Variants in DDI2 observed in about 807,000 individuals in gnomAD.
The protein encoded by DDI2 is protein DDI1 homolog 2.
Under a neutral mutation model 48.1 loss-of-function variants are expected in DDI2, and 5 were observed. The ratio of observed to expected loss-of-function variants is 0.10; its 90% CI spans 0.05 to 0.22. DDI2 has a LOEUF of 0.22. Ranked by LOEUF, DDI2 falls within the 10% of genes least tolerant of loss-of-function variation. DDI2 has a pLI of 1.00. For missense variants in DDI2, 285 were observed against 506.2 expected (o/e 0.56, Z 4.19); for synonymous variants, 205 against 183.6 (o/e 1.12, Z -0.94).
chr1:15,626,864 CAG>C (rs770472610), intron 2 of DDI2, 66 bp downstream of exon 2: 1 of 1,599,798 alleles, frequency 6.3e-7, no homozygotes, highest in Non-Finnish European at 8.5e-7. Context: ...CATAGCACCT[CAG>C]AGTTTTGGAT....
intron 8 of DDI2, among the ~76,000 whole-genome samples, chr1:15,654,854 G>C (rs557835254): frequency 5.0e-4 from 76 of 151,692 alleles, no homozygotes; most frequent in Non-Finnish European, 8.1e-4. Flanking sequence ...TCCTTACAAG[G>C]TTTTGCATTT....
At chr1:15,632,935 A>ATTTTTTTTT (rs1557614987) in intron 3 of DDI2, among the ~76,000 whole-genome samples, 1 of 79,074 alleles carries the variant, frequency 1.3e-5, no homozygotes, top group African/African-American at 6.2e-5. Context: ...TTTTTTTAAA[A>ATTTTTTTTT]AAAAAAAAAC....
Position 15,661,256 on chromosome 1 carries a change from C to G in DDI2, c.*1466C>G, listed in dbSNP as rs1238897878. 6.2e-6 allele frequency: 10 copies of G among 1,614,054 alleles called. No individual in the cohort carries two copies. The highest frequency in any genetic ancestry group is 1.7e-5 in the Admixed American group (1 of 60,000). ...ACCGATAAGGAAGGTGTCCCCAAATCTAGGGAATCCATAAATAAGAACCGT... is the reference window on the plus strand; with the variant it reads ...ACCGATAAGGAAGGTGTCCCCAAATGTAGGGAATCCATAAATAAGAACCGT... On this transcript the variant is annotated 3_prime_UTR_variant, in exon 10 of 10. Transcript: ENST00000480945.
At chr1:15,652,446 CGGAGGGGGG>C (rs763999805) in intron 8 of DDI2, among the ~76,000 whole-genome samples, 1,554 of 15,924 alleles carry the variant, frequency 0.098, 388 homozygotes, top group Admixed American at 0.38. Flanking sequence ...TGGGAGGCTC[CGGAGGGGGG>C]GGGGGGGGGG....
chr1:15,661,589 CCACAGAT>C lies in DDI2; in HGVS notation c.*1800_*1806del. On this transcript the variant is annotated 3_prime_UTR_variant, in exon 10 of 10. Transcript: ENST00000480945. ...ATTCTTCCACCATTGATTTTTCCTG[CCACAGAT>C]ATTGACCGCATTCTCCGTGCTGGCT... 1 of 1,614,190 alleles carries C rather than the reference CCACAGAT, an allele frequency of 6.2e-7. No individual in the cohort carries two copies. Among genetic ancestry groups the C allele is most frequent in the Non-Finnish European group, 8.5e-7 (1 of 1,180,050 alleles).
At chr1:15,658,505 G>A (rs1640306101) in intron 9 of DDI2, among the ~76,000 whole-genome samples, 1 of 151,408 alleles carries the variant, frequency 6.6e-6, no homozygotes, top group African/African-American at 2.4e-5. Flanking sequence ...GCTCTTGCCT[G>A]TAATCCAAGC....
chr1:15,640,371 G>A (rs187550272), intron 5 of DDI2, among the ~76,000 whole-genome samples: 1 of 152,148 alleles, frequency 6.6e-6, no homozygotes. Context: ...ATATAGAGAG[G>A]TCACATTCTC....
intron 6 of DDI2, among the ~76,000 whole-genome samples, chr1:15,644,973 T>C (rs1640067240): frequency 6.6e-6 from 1 of 152,088 alleles, no homozygotes; most frequent in South Asian, 2.1e-4. Context: ...CACTGCAACC[T>C]CCGCCTCCCG....
chr1:15,632,619 T>C (rs1384511657), intron 3 of DDI2, among the ~76,000 whole-genome samples: 1 of 152,228 alleles, frequency 6.6e-6, no homozygotes, highest in East Asian at 1.9e-4. Flanking sequence ...TTCCTGCCTA[T>C]TAATTCATCA....
At chr1:15,643,886 A>G (rs539186216) in intron 6 of DDI2, among the ~76,000 whole-genome samples, 10 of 152,192 alleles carry the variant, frequency 6.6e-5, no homozygotes, top group Non-Finnish European at 1.5e-4. Context: ...CTACGTTTCT[A>G]TTTCCTGAAA....
intron 9 of DDI2, among the ~76,000 whole-genome samples, chr1:15,658,247 TCAAG>T (rs1428037185): frequency 6.6e-6 from 1 of 151,970 alleles, no homozygotes; most frequent in African/African-American, 2.4e-5. Context: ...CCTCCTGGGT[TCAAG>T]CAATTCTCCC....
rs756687988 is a variant in DDI2 at position 15,660,047 on chromosome 1, C to T, written c.*257C>T. The T allele has an allele frequency of 1.2e-6, 2 of 1,613,912 alleles. No individual in the cohort carries two copies. The highest frequency in any genetic ancestry group is 1.3e-5 in the African/African-American group (1 of 74,924). The stretch of plus-strand genomic sequence containing the variant: ...GCTGTGAAGGCTTTGAAGGCTTCAG[C>T]TGAATTCCAGCTAAACTCTGAAAAG... On this transcript the variant is annotated 3_prime_UTR_variant, in exon 10 of 10. Transcript: ENST00000480945.
chr1:15,663,189 AAG>A lies in DDI2; in HGVS notation c.*3402_*3403del, dbSNP rs539750995. On this transcript the variant is annotated 3_prime_UTR_variant, in exon 10 of 10. Transcript: ENST00000480945. ...AACATGTTTGAAACAGAAGCTTCGAAAGAGTGATTTCTCAACTTAGTGTTAAA... is the reference window on the plus strand; with the variant it reads ...AACATGTTTGAAACAGAAGCTTCGAAAGTGATTTCTCAACTTAGTGTTAAA... 7 of 152,312 alleles carry A rather than the reference AAG, an allele frequency of 4.6e-5. No individual in the cohort carries two copies. In the South Asian group the frequency reaches 1.2e-3, roughly 27 times the overall value. 9.4% of individuals were successfully genotyped at this position (152,312 alleles called of 1,614,324 possible). A position where few individuals can be genotyped will look rare whatever the true frequency, so the allele number is the denominator to read the frequency against.
rs551179905 is a variant in DDI2 at position 15,659,293 on chromosome 1, CAAGA to C, written c.*47-541_*47-538del. 3.0e-3 allele frequency among the ~76,000 whole-genome samples: 451 copies of C among 152,300 alleles called. 3 individuals are homozygous for C. Among genetic ancestry groups the C allele is most frequent in the African/African-American group, 0.011 (437 of 41,558 alleles). ...GTAACCTCAGTGTTCACATTTGAAA[CAAGA>C]AAAGTGCATTAACATGAGAATCATT... On this transcript the variant is annotated intron_variant, in intron 9 of 9. Transcript: ENST00000480945.
chr1:15,656,616 G>C lies in DDI2; in HGVS notation c.1184-1G>C. The C allele has an allele frequency of 6.2e-7, 1 of 1,614,196 alleles. No individual in the cohort carries two copies. On this transcript the variant is annotated splice_acceptor_variant, in intron 8 of 9. Coordinates refer to ENST00000480945, the MANE Select transcript of DDI2 (RefSeq NM_032341.5). LOFTEE classifies it high-confidence loss of function. The stretch of plus-strand genomic sequence containing the variant: ...GCTTGTCTGTTTCCTAATTCACACA[G>C]AGCGTCAGAAGCCATGATGCATGTA...
At chr1:15,649,659 G>A (rs527689772) in intron 6 of DDI2, 61 bp from the exon 7 acceptor site, 48 of 1,540,750 alleles carry the variant, frequency 3.1e-5, no homozygotes, top group East Asian at 4.7e-5. Context: ...CAACAAGAGC[G>A]AAACTCCGTC....
chr1:15,620,754 T>C (rs1639647290), intron 1 of DDI2, among the ~76,000 whole-genome samples: 1 of 152,176 alleles, frequency 6.6e-6, no homozygotes, highest in South Asian at 2.1e-4. Flanking sequence ...GTGCATATAA[T>C]ACACATAACG....
At chr1:15,629,530 G>C (rs1639810075) in intron 2 of DDI2, among the ~76,000 whole-genome samples, 1 of 150,648 alleles carries the variant, frequency 6.6e-6, no homozygotes. Flanking sequence ...CCAGGAGGCA[G>C]AGGTTGCAGT....
chr1:15,638,288 TGGTCTTGTTC>T lies in DDI2; in HGVS notation c.633-18_633-9del. 6.2e-7 allele frequency: 1 copy of T among 1,613,202 alleles called. No homozygotes were observed. Among genetic ancestry groups the T allele is most frequent in the Non-Finnish European group, 8.5e-7 (1 of 1,179,498 alleles). ...ATGGAATTAATGCTTTCAGTGTCCCTGGTCTTGTTCTGTTACAGGCAACAGAACATTGAGG... is the reference window on the plus strand; with the variant it reads ...ATGGAATTAATGCTTTCAGTGTCCCTTGTTACAGGCAACAGAACATTGAGG... On this transcript the variant is annotated splice_polypyrimidine_tract_variant and intron_variant, in intron 4 of 9. Transcript: ENST00000480945.
Sources: allele counts gnomAD v4.1 joint callset (sites outside exome capture counted in the v4.1 genomes callset), GRCh38; gene constraint gnomAD v4.1.1; transcripts MANE v1.5; gene names NCBI Gene and HGNC (gene_info 2026-07-23, HGNC 2026-07-21).